DROSHA: variants seen among roughly 807,000 people sequenced by gnomAD.
DROSHA encodes the protein drosha ribonuclease III.
In DROSHA, 56 loss-of-function variants were observed where a neutral mutation model predicts 181.9. The observed-to-expected ratio is 0.31, with a 90% CI of 0.25 to 0.38. The LOEUF (loss-of-function observed/expected upper bound fraction) is 0.38. DROSHA is among the 10% of genes least tolerant of loss of function. The pLI is 1.00. For missense variants in DROSHA, 1,218 were observed against 1,743.5 expected (o/e 0.70, Z 5.37); for synonymous variants, 524 against 591.2 (o/e 0.89, Z 1.65).
chr5:31,499,189 C>A (rs1753322088), intron 11 of DROSHA, among the ~76,000 whole-genome samples: 1 of 152,192 alleles, frequency 6.6e-6, no homozygotes, highest in Admixed American at 6.5e-5. Flanking sequence ...CACAGATCAC[C>A]CCCAGGCTGA....
At chr5:31,472,421 A>G (rs1009871158) in intron 16 of DROSHA, among the ~76,000 whole-genome samples, 189 bp from the exon 17 acceptor site, 1 of 152,248 alleles carries the variant, frequency 6.6e-6, no homozygotes, top group African/African-American at 2.4e-5. Flanking sequence ...ATTGATGAAC[A>G]GTGCTCATAA....
At position 31,412,860 on chromosome 5, in the gene DROSHA, G is replaced by A. The variant is rs377523133; in HGVS notation, c.3526-1973C>T. On this transcript the variant is annotated intron_variant, in intron 30 of 35. Coordinates refer to ENST00000344624, the MANE Select transcript of DROSHA (RefSeq NM_001382508.1). ...GAAAGTGATATATCTTTTTTGGTTT[G>A]GATTTCATATGGGGACGGGGAGCTT... Among the ~76,000 whole-genome samples, 35 of 152,154 alleles carry A rather than the reference G, an allele frequency of 2.3e-4. No homozygotes were observed. In the East Asian group the frequency reaches 3.9e-3, roughly 17 times the overall value.
chr5:31,418,791 A>C (rs180771303), intron 30 of DROSHA, among the ~76,000 whole-genome samples: 89 of 152,252 alleles, frequency 5.8e-4, no homozygotes, highest in African/African-American at 2.0e-3. Flanking sequence ...GACATGCAAC[A>C]CTGAATGGGT....
intron 20 of DROSHA, among the ~76,000 whole-genome samples, chr5:31,461,081 G>A (rs551524444): frequency 1.2e-4 from 18 of 152,222 alleles, no homozygotes; most frequent in African/African-American, 2.9e-4. Context: ...TATTAAGGAC[G>A]TAAAAAGACT....
chr5:31,471,742 G>A (rs1013647430), intron 17 of DROSHA, among the ~76,000 whole-genome samples: 3 of 152,144 alleles, frequency 2.0e-5, no homozygotes, highest in Non-Finnish European at 2.9e-5. Context: ...TAACCAGCAT[G>A]AAGATATGGT....
At chr5:31,479,208 G>T (rs564387970) in intron 16 of DROSHA, among the ~76,000 whole-genome samples, 1 of 152,174 alleles carries the variant, frequency 6.6e-6, no homozygotes, top group South Asian at 2.1e-4. Context: ...CCTTAAAGCA[G>T]TTAAAACAAT....
rs181813261 is a variant in DROSHA at position 31,509,076 on chromosome 5, G to A, written c.1433-301C>T. On this transcript the variant is annotated intron_variant, in intron 9 of 35. Transcript: ENST00000344624. ...GACCTCAGGTGAAACACCCGTCTCG[G>A]CCTCCTAAAGTGCTGGGATTATAGG... Among the ~76,000 whole-genome samples the A allele has an allele frequency of 2.0e-5, 3 of 152,198 alleles. No individual in the cohort carries two copies. The East Asian group carries it at 5.8e-4, about 29-fold the overall frequency.
intron 16 of DROSHA, among the ~76,000 whole-genome samples, chr5:31,475,037 C>A (rs1214714030): frequency 1.3e-5 from 2 of 152,040 alleles, no homozygotes; most frequent in Non-Finnish European, 2.9e-5. Context: ...CACATTTCCA[C>A]CTGGGCATGG....
chr5:31,466,374 T>C, intron 18 of DROSHA, 93 bp from the exon 19 acceptor site: 3 of 990,148 alleles, frequency 3.0e-6, no homozygotes, highest in Non-Finnish European at 4.8e-6. Context: ...CTTCAAATCA[T>C]ACATTACATT....
chr5:31,420,067 T>G (rs1742484292), intron 30 of DROSHA, among the ~76,000 whole-genome samples: 1 of 152,148 alleles, frequency 6.6e-6, no homozygotes. Context: ...GCTTAGAAAT[T>G]CCACTGAAAA....
intron 23 of DROSHA, among the ~76,000 whole-genome samples, chr5:31,441,017 T>C (rs2150008413): frequency 6.6e-6 from 1 of 151,030 alleles, no homozygotes; most frequent in East Asian, 1.9e-4. Context: ...AGATAAAGGA[T>C]ACTCAACTGT....
chr5:31,520,689 C>T (rs1453744702), intron 6 of DROSHA, among the ~76,000 whole-genome samples: 1 of 152,072 alleles, frequency 6.6e-6, no homozygotes, highest in African/African-American at 2.4e-5. Context: ...TGTAAGACCA[C>T]AAAATTTTAC....
intron 6 of DROSHA, among the ~76,000 whole-genome samples, chr5:31,518,891 G>A (rs770269718): frequency 2.6e-5 from 4 of 152,172 alleles, no homozygotes; most frequent in African/African-American, 7.2e-5. Flanking sequence ...TTAAGCAGGC[G>A]TTGTGAATGA....
chr5:31,521,719 C>A (rs567860538), intron 5 of DROSHA, among the ~76,000 whole-genome samples: 20 of 151,984 alleles, frequency 1.3e-4, no homozygotes, highest in Middle Eastern at 3.4e-3. Context: ...ACTAACCTGC[C>A]ATGAGGCCAT....
intron 5 of DROSHA, among the ~76,000 whole-genome samples, chr5:31,523,289 C>A (rs565102043): frequency 6.6e-6 from 1 of 152,296 alleles, no homozygotes; most frequent in Admixed American, 6.5e-5. Flanking sequence ...TATAAAACAA[C>A]TCGAATATAA....
intron 35 of DROSHA, among the ~76,000 whole-genome samples, chr5:31,402,579 A>T (rs1031828188): frequency 6.6e-6 from 1 of 152,186 alleles, no homozygotes; most frequent in Non-Finnish European, 1.5e-5. Flanking sequence ...GTTCAGTTTT[A>T]TCTGCAGCTT....
rs898734730 is a variant in DROSHA at position 31,411,267 on chromosome 5, G to A, written c.3526-380C>T. 6.6e-6 allele frequency among the ~76,000 whole-genome samples: 1 copy of A among 152,274 alleles called. No individual in the cohort carries two copies. Among genetic ancestry groups the A allele is most frequent in the East Asian group, 1.9e-4 (1 of 5,182 alleles). ...GAGTGTTAAAATCAATTTTATTAAAGTGTAACTTACATTCAATAAAATGCA... is the reference window on the plus strand; with the variant it reads ...GAGTGTTAAAATCAATTTTATTAAAATGTAACTTACATTCAATAAAATGCA... On this transcript the variant is annotated intron_variant, in intron 30 of 35. Coordinates refer to ENST00000344624, the MANE Select transcript of DROSHA (RefSeq NM_001382508.1). The surrounding 1 kb of genome is among the most constrained non-coding windows in gnomAD (Gnocchi z 4.2).
intron 29 of DROSHA, among the ~76,000 whole-genome samples, chr5:31,422,090 GA>G (rs11375467): frequency 3.1e-5 from 4 of 129,992 alleles, no homozygotes; most frequent in Admixed American, 8.0e-5. Flanking sequence ...AGATCTGTCA[GA>G]AAAAAAAAAG....
intron 20 of DROSHA, among the ~76,000 whole-genome samples, chr5:31,456,433 A>C (rs1747662958): frequency 6.6e-6 from 1 of 151,246 alleles, no homozygotes; most frequent in South Asian, 2.1e-4. Flanking sequence ...AGAAGCAGAG[A>C]GAAGCTATTT....
Sources: gnomAD v4.1 joint callset for allele counts (sites outside exome capture counted in the v4.1 genomes callset) on GRCh38, gnomAD v4.1.1 for gene constraint, Gnocchi (gnomAD v3.1) non-coding constraint, MANE v1.5 for transcripts, NCBI Gene and HGNC (gene_info 2026-07-23, HGNC 2026-07-21) for gene names.